AK3: variants seen among roughly 807,000 people sequenced by gnomAD.
AK3 encodes GTP:AMP phosphotransferase AK3, mitochondrial.
Under a neutral mutation model 23.7 loss-of-function variants are expected in AK3, and 27 were observed. The observed-to-expected ratio is 1.14, with a 90% CI of 0.84 to 1.57. The LOEUF is 1.57. Among genes scored for constraint, AK3 ranks in the 40% most tolerant of loss-of-function variants. The probability of loss-of-function intolerance (pLI) is 0.00; values close to 1 mark genes in which losing one functional copy is unlikely to be tolerated. For synonymous variants in AK3, 159 were observed against 116.0 expected, an observed-to-expected ratio of 1.37 and a Z score of -2.38; for missense variants, 406 against 285.6, an observed-to-expected ratio of 1.42 and a Z score of -3.04.
upstream of AK3, chr9:4,741,241 C>G (rs761295160): frequency 2.1e-4 from 172 of 828,808 alleles, no homozygotes; most frequent in Non-Finnish European, 2.8e-4. Flanking sequence ...CCGACAGCCC[C>G]TGGGGCCGCC....
intron 4 of AK3, 26 bp from the exon 5 acceptor site, chr9:4,713,122 A>G (rs1470277751): frequency 6.2e-7 from 1 of 1,611,958 alleles, no homozygotes; most frequent in African/African-American, 1.3e-5. Context: ...AAACAAAACA[A>G]ACACACACAG....
At chr9:4,729,737 G>A (rs1035950288) in intron 1 of AK3, among the ~76,000 whole-genome samples, 3 of 151,548 alleles carry the variant, frequency 2.0e-5, no homozygotes, top group Non-Finnish European at 4.4e-5. Flanking sequence ...TCAGGTGGGA[G>A]TATCACTTGG....
intron 2 of AK3, among the ~76,000 whole-genome samples, chr9:4,721,584 G>A (rs916906911): frequency 2.6e-5 from 4 of 151,704 alleles, no homozygotes; most frequent in East Asian, 2.0e-4. Flanking sequence ...TCAGCCTCCC[G>A]AGTAGCTAGG....
At position 4,712,494 on chromosome 9, in the gene AK3, G is replaced by T. The variant is rs183355856; in HGVS notation, c.*482C>A. 76 of 152,438 alleles carry T rather than the reference G, an allele frequency of 5.0e-4. 1 individual carries two copies. Among genetic ancestry groups the T allele is most frequent in the Admixed American group, 4.1e-3 (63 of 15,308 alleles). 9.4% of individuals were successfully genotyped at this position (152,438 alleles called of 1,614,324 possible). A position where few individuals can be genotyped will look rare whatever the true frequency, so the allele number is the denominator to read the frequency against. On this transcript the variant is annotated 3_prime_UTR_variant, in exon 5 of 5. Coordinates refer to ENST00000381809, the MANE Select transcript of AK3 (RefSeq NM_016282.4). ...GTCTCACAATAAATCTGTAAATCCA[G>T]TTGCTTTCTTTCTGGAATTTTATAT...
At chr9:4,714,708 A>C (rs1000295363) in intron 4 of AK3, among the ~76,000 whole-genome samples, 1 of 152,210 alleles carries the variant, frequency 6.6e-6, no homozygotes, top group Non-Finnish European at 1.5e-5. Flanking sequence ...AGCTTCAACA[A>C]TTGGTCCTCC....
At chr9:4,716,764 TA>T (rs987284255) in intron 4 of AK3, among the ~76,000 whole-genome samples, 1 of 152,014 alleles carries the variant, frequency 6.6e-6, no homozygotes. Flanking sequence ...GCCCCAGCTC[TA>T]AAAAAAATTT....
At chr9:4,715,566 T>G (rs1841704910) in intron 4 of AK3, among the ~76,000 whole-genome samples, 1 of 151,972 alleles carries the variant, frequency 6.6e-6, no homozygotes, top group Non-Finnish European at 1.5e-5. Flanking sequence ...GGCTAATATT[T>G]TTTTTTATGT....
chr9:4,733,186 G>A (rs938974448), intron 1 of AK3, among the ~76,000 whole-genome samples: 2 of 152,080 alleles, frequency 1.3e-5, no homozygotes, highest in African/African-American at 2.4e-5. Flanking sequence ...AAAGGCTACA[G>A]AGAATTAACC....
rs148021555 is a variant in AK3, at chr9:4,714,929, C to T, written c.564-1833G>A. 1.1e-3 allele frequency among the ~76,000 whole-genome samples: 161 copies of T among 152,220 alleles called. 2 individuals carry two copies. The highest frequency in any genetic ancestry group is 3.7e-3 in the African/African-American group (152 of 41,554). On this transcript the variant is annotated intron_variant, in intron 4 of 4. Transcript: ENST00000381809. Reference sequence around the variant, plus strand: ...CGTGTGGGAGCTGAGAATGAAAAGACTGAATTCGGCCGGGTGTGGTGGCTC... The same window carrying T: ...CGTGTGGGAGCTGAGAATGAAAAGATTGAATTCGGCCGGGTGTGGTGGCTC...
In AK3 at chr9:4,709,571, G is replaced by T. The variant is rs1015700429; in HGVS notation, c.*3405C>A. On this transcript the variant is annotated 3_prime_UTR_variant, in exon 5 of 5. Coordinates refer to ENST00000381809, the MANE Select transcript of AK3 (RefSeq NM_016282.4). Reference sequence around the variant, plus strand: ...GCTGGACTGATTTACACTTAGGCATGACAGTTTATTCAGTGCTATATATGG... The same window carrying T: ...GCTGGACTGATTTACACTTAGGCATTACAGTTTATTCAGTGCTATATATGG... 6.6e-6 allele frequency: 1 copy of T among 152,156 alleles called. No homozygotes were observed. Among genetic ancestry groups the T allele is most frequent in the African/African-American group, 2.4e-5 (1 of 41,432 alleles). The allele number at this position is 152,156 out of a possible 1,614,324, so 9.4% of individuals were successfully genotyped here.
At chr9:4,713,395 A>C (rs1458248351) in intron 4 of AK3, among the ~76,000 whole-genome samples, 2 of 152,212 alleles carry the variant, frequency 1.3e-5, no homozygotes, top group African/African-American at 2.4e-5. Context: ...TACATATTAT[A>C]GTTTGTTTAA....
intron 1 of AK3, among the ~76,000 whole-genome samples, chr9:4,739,884 C>G (rs1046532233): frequency 6.6e-6 from 1 of 151,392 alleles, no homozygotes; most frequent in Non-Finnish European, 1.5e-5. Context: ...GACTCCGTCT[C>G]AAAAAACAAA....
At chr9:4,722,693 G>C in intron 1 of AK3, 68 bp from the exon 2 acceptor site, 1 of 1,599,066 alleles carries the variant, frequency 6.3e-7, no homozygotes, top group Non-Finnish European at 8.5e-7. Context: ...ACCTCGGAAC[G>C]AGTTGCCTAA....
intron 1 of AK3, among the ~76,000 whole-genome samples, chr9:4,727,240 T>C (rs1434603085): frequency 1.3e-5 from 2 of 152,220 alleles, no homozygotes; most frequent in South Asian, 4.1e-4. Context: ...AGAGTCAGCC[T>C]GTCCTTTGAA....
chr9:4,737,954 A>C (rs956296580), intron 1 of AK3, among the ~76,000 whole-genome samples: 3 of 152,196 alleles, frequency 2.0e-5, no homozygotes, highest in Non-Finnish European at 4.4e-5. Flanking sequence ...CAATGACTGG[A>C]AACTAAATTG....
chr9:4,722,058 C>G (rs1410716322), intron 2 of AK3, among the ~76,000 whole-genome samples: 1 of 152,140 alleles, frequency 6.6e-6, no homozygotes, highest in Non-Finnish European at 1.5e-5. Context: ...AGGCTTATCC[C>G]AAGTTTATCC....
rs1466413053 is a variant in AK3, at chr9:4,712,164, A to C, written c.*812T>G. 6.6e-6 allele frequency: 1 copy of C among 152,110 alleles called. No individual in the cohort carries two copies. The highest frequency in any genetic ancestry group is 1.5e-5 in the Non-Finnish European group (1 of 67,996). 9.4% of individuals were successfully genotyped at this position (152,110 alleles called of 1,614,324 possible). Reference sequence around the variant, plus strand: ...AACCAGCAAGTAGATCCTAAAACACATTTCTTAACCTGAGTCATAACTGAA... The same window carrying C: ...AACCAGCAAGTAGATCCTAAAACACCTTTCTTAACCTGAGTCATAACTGAA... On this transcript the variant is annotated 3_prime_UTR_variant, in exon 5 of 5. Transcript: ENST00000381809.
intron 1 of AK3, among the ~76,000 whole-genome samples, chr9:4,737,104 G>C (rs1842313416): frequency 6.6e-6 from 1 of 151,766 alleles, no homozygotes; most frequent in East Asian, 1.9e-4. Context: ...TTACTATATA[G>C]TTCTTTACTA....
intron 1 of AK3, among the ~76,000 whole-genome samples, chr9:4,725,526 T>C (rs1842003862): frequency 6.6e-6 from 1 of 151,716 alleles, no homozygotes; most frequent in Admixed American, 6.6e-5. Context: ...CCCAGCACTT[T>C]GGGAGGCTGA....
Sources: allele counts gnomAD v4.1 joint callset (sites outside exome capture counted in the v4.1 genomes callset), GRCh38; gene constraint gnomAD v4.1.1; transcripts MANE v1.5; gene names NCBI Gene and HGNC (gene_info 2026-07-23, HGNC 2026-07-21).